The following TMEM232 variants were observed in gnomAD, a reference collection of about 807,000 sequenced individuals.
The protein encoded by TMEM232 is transmembrane protein 232.
TMEM232 carries 80 observed loss-of-function variants against 78.8 expected under a neutral mutation model. That is an observed-to-expected ratio of 1.01 (90% CI 0.85 to 1.22). The LOEUF is 1.22. TMEM232 is among the 50% of genes most tolerant of loss of function. TMEM232 has a pLI of 0.00. For missense variants in TMEM232, 881 were observed against 742.2 expected (o/e 1.19, Z -2.17); for synonymous variants, 297 against 254.3 (o/e 1.17, Z -1.60).
intron 13 of TMEM232, among the ~76,000 whole-genome samples, chr5:110,421,417 A>C (rs938733021): frequency 7.3e-5 from 11 of 149,708 alleles, no homozygotes; most frequent in Non-Finnish European, 1.6e-4. Flanking sequence ...ATCATGAAAA[A>C]TATATATATA....
intron 12 of TMEM232, among the ~76,000 whole-genome samples, chr5:110,449,460 A>C (rs1410758666): frequency 6.6e-6 from 1 of 152,094 alleles, no homozygotes; most frequent in Non-Finnish European, 1.5e-5. Flanking sequence ...TTTAGCTCTT[A>C]AAGTTTCTGT....
Position 110,442,536 on chromosome 5 carries a change from T to C in TMEM232, c.1704-17620A>G, listed in dbSNP as rs376703887. Among the ~76,000 whole-genome samples, 71 of 152,242 alleles carry C rather than the reference T, an allele frequency of 4.7e-4. 1 individual carries two copies. In the South Asian group the frequency reaches 0.014, roughly 31 times the overall value. On this transcript the variant is annotated intron_variant, in intron 12 of 13. Transcript: ENST00000455884. ...TTCTGAATTCCTTCTCTGTGTTATC[T>C]TGAATTTCTTTGAGTTCCTCAGCAC...
At chr5:110,508,699 G>C (rs114602872) in intron 12 of TMEM232, among the ~76,000 whole-genome samples, 1 of 150,474 alleles carries the variant, frequency 6.6e-6, no homozygotes. Flanking sequence ...CAAGCTGTTT[G>C]TGCTGTTTCC....
At chr5:110,681,133 G>A (rs73228156) in intron 1 of TMEM232, among the ~76,000 whole-genome samples, 331 of 152,242 alleles carry the variant, frequency 2.2e-3, no homozygotes, top group African/African-American at 7.3e-3. Context: ...AAAAGCCAGG[G>A]GAGGTAGTTC....
chr5:110,654,700 T>C (rs952120848), intron 2 of TMEM232, among the ~76,000 whole-genome samples: 4 of 152,208 alleles, frequency 2.6e-5, no homozygotes, highest in Non-Finnish European at 5.9e-5. Flanking sequence ...CATTGGTAGC[T>C]AGATGGGGAT....
chr5:110,668,766 A>C (rs191782226), intron 1 of TMEM232, among the ~76,000 whole-genome samples: 1 of 152,314 alleles, frequency 6.6e-6, no homozygotes, highest in East Asian at 1.9e-4. Flanking sequence ...AACAGAAATT[A>C]TAACAAACTG....
At chr5:110,463,576 T>TAATC (rs1346544255) in intron 12 of TMEM232, among the ~76,000 whole-genome samples, 1 of 152,232 alleles carries the variant, frequency 6.6e-6, no homozygotes. Context: ...ATATTATTCT[T>TAATC]AATCATTTAA....
intron 1 of TMEM232, among the ~76,000 whole-genome samples, chr5:110,704,220 G>C (rs10068344): frequency 6.6e-6 from 1 of 152,010 alleles, no homozygotes; most frequent in East Asian, 1.9e-4. Context: ...GGGTTCACCT[G>C]AACTTTGTTG....
Position 110,560,220 on chromosome 5 carries a change from T to G in TMEM232, c.1455+8227A>C, listed in dbSNP as rs569905513. On this transcript the variant is annotated intron_variant, in intron 11 of 13. Transcript: ENST00000455884. The stretch of plus-strand genomic sequence containing the variant: ...ATCTATTAAGGTTGAATATAGACCT[T>G]CCATATGATCCAGTCATTCTCCTCT... 2.6e-5 allele frequency among the ~76,000 whole-genome samples: 4 copies of G among 152,238 alleles called. No individual in the cohort carries two copies. The East Asian group carries it at 7.7e-4, about 29-fold the overall frequency.
intron 12 of TMEM232, among the ~76,000 whole-genome samples, chr5:110,434,010 G>T (rs1758139257): frequency 6.6e-6 from 1 of 151,720 alleles, no homozygotes; most frequent in African/African-American, 2.4e-5. Flanking sequence ...AGTTAAGGAG[G>T]TATCTTTCCT....
intron 12 of TMEM232, among the ~76,000 whole-genome samples, chr5:110,445,369 A>G (rs1192127427): frequency 2.0e-5 from 3 of 152,144 alleles, no homozygotes; most frequent in African/African-American, 4.8e-5. Context: ...CCATTATTAC[A>G]TTCAAGGAAA....
chr5:110,704,538 G>C (rs564620540), intron 1 of TMEM232, among the ~76,000 whole-genome samples: 1 of 152,116 alleles, frequency 6.6e-6, no homozygotes, highest in East Asian at 1.9e-4. Flanking sequence ...TATGATGACT[G>C]AATGTCTGGT....
chr5:110,536,704 AT>A (rs1160064974), intron 11 of TMEM232, among the ~76,000 whole-genome samples: 1 of 152,200 alleles, frequency 6.6e-6, no homozygotes, highest in Non-Finnish European at 1.5e-5. Flanking sequence ...AAAGAATGTT[AT>A]AAAGAAAATA....
At chr5:110,680,498 G>C (rs1170319790) in intron 1 of TMEM232, among the ~76,000 whole-genome samples, 5 of 151,236 alleles carry the variant, frequency 3.3e-5, no homozygotes, top group African/African-American at 1.2e-4. Flanking sequence ...AAGGTTTGCA[G>C]AGATGTAGGA....
Position 110,407,990 on chromosome 5 carries a change from T to G in TMEM232, n.309-10136A>C, listed in dbSNP as rs373691514. Among the ~76,000 whole-genome samples the G allele has an allele frequency of 2.0e-3, 308 of 152,036 alleles. 1 individual carries two copies. Among genetic ancestry groups the G allele is most frequent in the African/African-American group, 6.8e-3 (282 of 41,484 alleles). On this transcript the variant is annotated intron_variant and non_coding_transcript_variant, in intron 2 of 8. Coordinates refer to the TMEM232 transcript ENST00000507188. ...TGCTCCTGAACAGCCAATGGGTCAA[T>G]GAAATAATTACGAATGAAATTTAAA...
At chr5:110,551,085 T>A (rs1774400208) in intron 11 of TMEM232, among the ~76,000 whole-genome samples, 1 of 152,158 alleles carries the variant, frequency 6.6e-6, no homozygotes, top group South Asian at 2.1e-4. Flanking sequence ...AAACATTTAC[T>A]ATTTTGCCTC....
At chr5:110,607,110 CTTA>C (rs1781632003) in intron 8 of TMEM232, among the ~76,000 whole-genome samples, 2 of 151,966 alleles carry the variant, frequency 1.3e-5, no homozygotes, top group Admixed American at 6.6e-5. Context: ...TCAGACCATT[CTTA>C]TTATGAAAAT....
intron 10 of TMEM232, among the ~76,000 whole-genome samples, chr5:110,572,526 CTA>C (rs1777072324): frequency 6.6e-6 from 1 of 151,950 alleles, no homozygotes; most frequent in African/African-American, 2.4e-5. Context: ...CCACTTTCCT[CTA>C]TGTATTTTAA....
upstream of TMEM232, among the ~76,000 whole-genome samples, chr5:110,738,468 G>A (rs28364649): frequency 6.6e-5 from 10 of 152,172 alleles, no homozygotes; most frequent in East Asian, 1.9e-3. Flanking sequence ...CACCCCCGAC[G>A]TGCACTTCAA....
Sources: allele counts gnomAD v4.1 joint callset (sites outside exome capture counted in the v4.1 genomes callset), GRCh38; gene constraint gnomAD v4.1.1; transcripts MANE v1.5; gene names NCBI Gene and HGNC (gene_info 2026-07-23, HGNC 2026-07-21).